The following PCDHA3 variants were observed in gnomAD, a reference collection of about 807,000 sequenced individuals.
PCDHA3 encodes the protein protocadherin alpha 3.
PCDHA3 carries 41 observed loss-of-function variants against 62.2 expected under a neutral mutation model. The ratio of observed to expected loss-of-function variants is 0.66; its 90% CI spans 0.51 to 0.86. The LOEUF is 0.86. Among genes scored for constraint, PCDHA3 ranks in the 40% least tolerant of loss-of-function variants. The probability of loss-of-function intolerance (pLI) is 0.00; values close to 1 mark genes in which losing one functional copy is unlikely to be tolerated. For synonymous variants in PCDHA3, 640 were observed against 555.4 expected, an observed-to-expected ratio of 1.15 and a Z score of -2.14; for missense variants, 1,304 against 1,241.2, an observed-to-expected ratio of 1.05 and a Z score of -0.76.
intron 1 of PCDHA3, among the ~76,000 whole-genome samples, chr5:140,975,053 A>G (rs2096651589): frequency 1.3e-5 from 2 of 152,144 alleles, no homozygotes; most frequent in Admixed American, 6.5e-5. Flanking sequence ...GGAAGAATCT[A>G]CTATCGAGCT....
chr5:140,946,980 T>G (rs757011315), intron 1 of PCDHA3, among the ~76,000 whole-genome samples: 4 of 151,702 alleles, frequency 2.6e-5, no homozygotes, highest in Non-Finnish European at 5.9e-5. Context: ...AATAGAGGAT[T>G]TTGAGTGTTC....
chr5:140,988,201 A>C (rs2097286908), intron 3 of PCDHA3, among the ~76,000 whole-genome samples: 1 of 152,064 alleles, frequency 6.6e-6, no homozygotes, highest in Non-Finnish European at 1.5e-5. Context: ...GCATATCCTT[A>C]TTAGGAAAAA....
chr5:140,866,911 G>C (rs1359822435), intron 1 of PCDHA3: 4 of 152,102 alleles, frequency 2.6e-5, no homozygotes, highest in African/African-American at 9.7e-5. Context: ...GATCCTCAAA[G>C]ATGAGTTCAA....
intron 1 of PCDHA3, among the ~76,000 whole-genome samples, chr5:140,975,632 A>G (rs1554236932): frequency 1.3e-5 from 2 of 152,216 alleles, no homozygotes; most frequent in African/African-American, 4.8e-5. Context: ...CATGGTACGA[A>G]GATAGCATAT....
chr5:140,924,229 T>A (rs543275737), intron 1 of PCDHA3, among the ~76,000 whole-genome samples: 4 of 152,376 alleles, frequency 2.6e-5, no homozygotes, highest in African/African-American at 9.6e-5. Flanking sequence ...TCAATTTTTA[T>A]GGGCTGTTTT....
chr5:140,929,234 G>A (rs781843995), intron 1 of PCDHA3: 1 of 1,613,838 alleles, frequency 6.2e-7, no homozygotes, highest in Non-Finnish European at 8.5e-7. Flanking sequence ...GCCGACCTGC[G>A]AAATCTTGCC....
chr5:140,926,892 G>A (rs781956892), intron 1 of PCDHA3: 10 of 1,546,640 alleles, frequency 6.5e-6, no homozygotes, highest in African/African-American at 2.7e-5. Context: ...CTAGAGGGAG[G>A]ATGGTGGGCT....
At position 140,883,599 on chromosome 5, in the gene PCDHA3, G is replaced by A. The variant is rs1562791244; in HGVS notation, c.2394+80008G>A. ...TGGGCCACGGCCAGCGTGTCGGTGG[G>A]GGTGGCCGACGTGAACGACAACGCG... On this transcript the variant is annotated intron_variant, in intron 1 of 3. Coordinates refer to ENST00000522353, the MANE Select transcript of PCDHA3 (RefSeq NM_018906.3). 4 of 1,614,016 alleles carry A rather than the reference G, an allele frequency of 2.5e-6. No homozygotes were observed. Among genetic ancestry groups the A allele is most frequent in the Non-Finnish European group, 3.4e-6 (4 of 1,179,942 alleles).
At chr5:140,869,712 G>A in intron 1 of PCDHA3, 4 of 1,613,408 alleles carry the variant, frequency 2.5e-6, no homozygotes, top group South Asian at 1.1e-5. Context: ...TGGATAGAGA[G>A]AAAACTCCGG....
At chr5:140,976,992 A>G (rs1421149242) in intron 1 of PCDHA3, among the ~76,000 whole-genome samples, 3 of 152,200 alleles carry the variant, frequency 2.0e-5, no homozygotes, top group Admixed American at 2.0e-4. Context: ...TTACTGCCAT[A>G]AGAAATCTTG....
chr5:140,804,965 A>G, intron 1 of PCDHA3: 4 of 1,454,770 alleles, frequency 2.7e-6, no homozygotes, highest in Non-Finnish European at 3.7e-6. Flanking sequence ...AGTAGTAGCC[A>G]TAGTGTGTCC....
rs963313279 is a variant in PCDHA3, at chr5:140,848,520, C to A, written c.2394+44929C>A. On this transcript the variant is annotated intron_variant, in intron 1 of 3. Coordinates refer to ENST00000522353, the MANE Select transcript of PCDHA3 (RefSeq NM_018906.3). Reference sequence around the variant, plus strand: ...AATGTTATACTCAAGTCGAGGAGATCCAGAGGGTCAGCCTCTACTGCTCTC... The same window carrying A: ...AATGTTATACTCAAGTCGAGGAGATACAGAGGGTCAGCCTCTACTGCTCTC... The A allele has an allele frequency of 3.1e-6, 5 of 1,592,812 alleles. 1 individual carries two copies. The Admixed American group carries it at 5.1e-5, about 16-fold the overall frequency.
intron 3 of PCDHA3, among the ~76,000 whole-genome samples, chr5:140,985,454 A>G (rs1378044295): frequency 1.3e-5 from 2 of 152,188 alleles, no homozygotes; most frequent in Non-Finnish European, 2.9e-5. Context: ...GAAAAGGGAA[A>G]TGCTCCAAAA....
intron 1 of PCDHA3, among the ~76,000 whole-genome samples, chr5:140,946,059 G>GA (rs2093880331): frequency 6.6e-6 from 1 of 152,156 alleles, no homozygotes; most frequent in East Asian, 1.9e-4. Flanking sequence ...CAGAATGGGA[G>GA]AAAATATTTG....
At chr5:140,926,804 C>T (rs1298226109) in intron 1 of PCDHA3, 4 of 1,455,652 alleles carry the variant, frequency 2.7e-6, no homozygotes, top group East Asian at 2.5e-5. Context: ...TGCTCTTCCC[C>T]GCGGCTCGTG....
intron 1 of PCDHA3, among the ~76,000 whole-genome samples, chr5:140,918,162 A>G (rs1344100803): frequency 1.3e-5 from 2 of 152,122 alleles, no homozygotes; most frequent in Non-Finnish European, 2.9e-5. Context: ...TCTATTGTAA[A>G]TGGCATTGTG....
At chr5:140,808,870 C>G in intron 1 of PCDHA3, 3 of 1,613,180 alleles carry the variant, frequency 1.9e-6, no homozygotes, top group Non-Finnish European at 2.5e-6. Context: ...AAAACGACAA[C>G]GCGCCAGCAC....
intron 1 of PCDHA3, among the ~76,000 whole-genome samples, chr5:140,946,772 TG>T (rs2094025159): frequency 6.6e-6 from 1 of 151,346 alleles, no homozygotes; most frequent in Non-Finnish European, 1.5e-5. Context: ...TCATGTGGAA[TG>T]TAAAAAAGCT....
chr5:140,918,334 A>G (rs1419491986), intron 1 of PCDHA3, among the ~76,000 whole-genome samples: 1 of 152,144 alleles, frequency 6.6e-6, no homozygotes, highest in Non-Finnish European at 1.5e-5. Context: ...ATTGTCTGCT[A>G]AGAGAGATAG....
Sources: gnomAD v4.1 joint callset for allele counts (sites outside exome capture counted in the v4.1 genomes callset) on GRCh38, gnomAD v4.1.1 for gene constraint, MANE v1.5 for transcripts, NCBI Gene and HGNC (gene_info 2026-07-23, HGNC 2026-07-21) for gene names.